Variants in FRMD4A observed in about 807,000 individuals in gnomAD.
FRMD4A encodes FERM domain containing 4A.
Under a neutral mutation model 129.1 loss-of-function variants are expected in FRMD4A, and 29 were observed. That is an observed-to-expected ratio of 0.22 (90% CI 0.17 to 0.31). The LOEUF is 0.31. Ranked by LOEUF, FRMD4A falls within the 10% of genes least tolerant of loss-of-function variation. The probability of loss-of-function intolerance (pLI) is 1.00; values close to 1 mark genes in which losing one functional copy is unlikely to be tolerated. For missense variants in FRMD4A, 1,272 were observed against 1,375.8 expected, an observed-to-expected ratio of 0.92 and a Z score of 1.19; for synonymous variants, 634 against 571.6, an observed-to-expected ratio of 1.11 and a Z score of -1.56.
intron 13 of FRMD4A, among the ~76,000 whole-genome samples, chr10:13,702,787 G>A (rs1339256982): frequency 6.6e-6 from 1 of 151,858 alleles, no homozygotes; most frequent in Admixed American, 6.6e-5. Flanking sequence ...GGCGGGGGTC[G>A]GGGGTGCTAA....
intron 3 of FRMD4A, among the ~76,000 whole-genome samples, chr10:13,833,562 A>C (rs2093823660): frequency 6.6e-6 from 1 of 152,140 alleles, no homozygotes; most frequent in South Asian, 2.1e-4. Context: ...CCGGTGGTTA[A>C]GGGCCCAGAT....
intron 2 of FRMD4A, among the ~76,000 whole-genome samples, chr10:13,863,364 C>T (rs923089348): frequency 6.6e-6 from 1 of 151,938 alleles, no homozygotes; most frequent in Admixed American, 6.6e-5. Context: ...GGTGGATTGC[C>T]TCAGCTCAGG....
At chr10:14,179,713 G>T (rs1265122146) in intron 2 of FRMD4A, among the ~76,000 whole-genome samples, 1 of 152,180 alleles carries the variant, frequency 6.6e-6, no homozygotes, top group Non-Finnish European at 1.5e-5. Context: ...CTTTCAAATT[G>T]TTTTTACATG....
intron 2 of FRMD4A, chr10:13,890,744 G>C (rs1432419749): frequency 1.0e-6 from 1 of 985,292 alleles, no homozygotes; most frequent in South Asian, 4.7e-5. Flanking sequence ...GGGTCAGGGA[G>C]TCCTTTGCGG....
At chr10:13,699,963 A>C (rs2086641902) in intron 14 of FRMD4A, among the ~76,000 whole-genome samples, 1 of 152,198 alleles carries the variant, frequency 6.6e-6, no homozygotes, top group African/African-American at 2.4e-5. Flanking sequence ...GCGCTCATTC[A>C]TCCCAGAAAA....
chr10:14,111,194 G>A (rs889265730), intron 2 of FRMD4A, among the ~76,000 whole-genome samples: 4 of 152,074 alleles, frequency 2.6e-5, no homozygotes, highest in Non-Finnish European at 4.4e-5. Context: ...CTGTCTCTGC[G>A]AATTTGACTC....
At position 14,039,451 on chromosome 10, in the gene FRMD4A, AATCAATCTATCTATCTATCTATCTATCT is replaced by A. The variant is rs1195153201; in HGVS notation, c.46-180567_46-180540del. The stretch of plus-strand genomic sequence containing the variant: ...CTATCTATATTGGAACCCCAAAATC[AATCAATCTATCTATCTATCTATCTATCT>A]ATCTATCTATCTATCTATCTATCTA... On this transcript the variant is annotated intron_variant, in intron 2 of 24. Coordinates refer to ENST00000357447, the MANE Select transcript of FRMD4A (RefSeq NM_018027.5). Among the ~76,000 whole-genome samples the A allele has an allele frequency of 3.3e-3, 372 of 113,786 alleles. 4 individuals carry two copies. Among genetic ancestry groups the A allele is most frequent in the Non-Finnish European group, 4.0e-3 (212 of 53,222 alleles). The allele number at this position is 113,786 out of a possible 152,430, so 74.6% of individuals were successfully genotyped here.
chr10:14,174,087 C>T (rs1015927066), intron 2 of FRMD4A, among the ~76,000 whole-genome samples: 2 of 152,116 alleles, frequency 1.3e-5, no homozygotes, highest in African/African-American at 2.4e-5. Flanking sequence ...CTGCAAGTTA[C>T]TCTCTCTGTG....
At chr10:13,778,011 C>A (rs927639795) in intron 6 of FRMD4A, among the ~76,000 whole-genome samples, 1 of 151,890 alleles carries the variant, frequency 6.6e-6, no homozygotes, top group East Asian at 1.9e-4. Context: ...CCATGTTGGT[C>A]AGGCTGGTCT....
chr10:14,245,298 G>C (rs949631213), intron 2 of FRMD4A, among the ~76,000 whole-genome samples: 2 of 152,210 alleles, frequency 1.3e-5, no homozygotes, highest in African/African-American at 4.8e-5. Flanking sequence ...TGAGGTATCA[G>C]CTCTGAGGTA....
At chr10:13,814,635 A>G (rs57572383) in intron 3 of FRMD4A, among the ~76,000 whole-genome samples, 6,785 of 149,362 alleles carry the variant, frequency 0.045, 367 homozygotes, top group African/African-American at 0.13. Flanking sequence ...AGAGAGAAAA[A>G]AAAGAAAGAA....
chr10:14,323,804 G>T (rs2132123937), intron 2 of FRMD4A, among the ~76,000 whole-genome samples: 1 of 152,314 alleles, frequency 6.6e-6, no homozygotes, highest in African/African-American at 2.4e-5. Flanking sequence ...CCCGCGAAGA[G>T]CCTGTTATTC....
intron 2 of FRMD4A, among the ~76,000 whole-genome samples, chr10:14,241,075 C>T (rs1844025491): frequency 6.6e-6 from 1 of 152,170 alleles, no homozygotes; most frequent in Non-Finnish European, 1.5e-5. Flanking sequence ...GTTCTGTTGG[C>T]TATTAATTCC....
At chr10:14,146,575 T>A (rs1296279413) in intron 2 of FRMD4A, among the ~76,000 whole-genome samples, 1 of 152,200 alleles carries the variant, frequency 6.6e-6, no homozygotes, top group African/African-American at 2.4e-5. Flanking sequence ...AGAAGAGACA[T>A]CTGATGCCTA....
At chr10:14,273,514 AT>A (rs998112284) in intron 2 of FRMD4A, among the ~76,000 whole-genome samples, 8 of 151,778 alleles carry the variant, frequency 5.3e-5, no homozygotes, top group East Asian at 1.9e-4. Flanking sequence ...TAAGCTGATG[AT>A]TTTTTTTTAA....
intron 15 of FRMD4A, chr10:13,684,557 G>A: frequency 1.0e-6 from 1 of 985,564 alleles, no homozygotes; most frequent in Non-Finnish European, 1.2e-6. Context: ...CACATGGAAG[G>A]ACAGCCTCTT....
chr10:14,048,902 G>GAATAT (rs1174889801), intron 2 of FRMD4A, among the ~76,000 whole-genome samples: 1 of 122,708 alleles, frequency 8.1e-6, no homozygotes, highest in Non-Finnish European at 1.7e-5. Context: ...GAATAGAATA[G>GAATAT]AAAATAAAAT....
intron 12 of FRMD4A, among the ~76,000 whole-genome samples, chr10:13,719,877 T>C (rs138680987): frequency 6.6e-6 from 1 of 152,310 alleles, no homozygotes; most frequent in East Asian, 1.9e-4. Context: ...CTCTGTGTTC[T>C]TTTGGTGCTA....
intron 2 of FRMD4A, among the ~76,000 whole-genome samples, chr10:14,058,799 G>A (rs1294254082): frequency 6.6e-6 from 1 of 152,050 alleles, no homozygotes; most frequent in East Asian, 1.9e-4. Context: ...TGATTGGCTG[G>A]GCATGATTAC....
Sources: gnomAD v4.1 joint callset for allele counts (sites outside exome capture counted in the v4.1 genomes callset) on GRCh38, gnomAD v4.1.1 for gene constraint, MANE v1.5 for transcripts, NCBI Gene and HGNC (gene_info 2026-07-23, HGNC 2026-07-21) for gene names.